The following GALNTL6 variants were observed in gnomAD, a reference collection of about 807,000 sequenced individuals.
The protein encoded by GALNTL6 is polypeptide N-acetylgalactosaminyltransferase like 6, also known as polypeptide N-acetylgalactosaminyltransferase-like 6.
Under a neutral mutation model 73.7 loss-of-function variants are expected in GALNTL6, and 46 were observed. The ratio of observed to expected loss-of-function variants is 0.62; its 90% confidence interval spans 0.49 to 0.80. The LOEUF is 0.80. Ranked by LOEUF, GALNTL6 falls within the 30% of genes least tolerant of loss-of-function variation. GALNTL6 has a pLI of 0.00. For missense variants in GALNTL6, 604 were observed against 755.0 expected, an observed-to-expected ratio of 0.80 and a Z score of 2.34; for synonymous variants, 259 against 263.7, an observed-to-expected ratio of 0.98 and a Z score of 0.17.
At chr4:173,034,728 CA>C (rs1339839906) in intron 12 of GALNTL6, among the ~76,000 whole-genome samples, 1 of 152,198 alleles carries the variant, frequency 6.6e-6, no homozygotes, top group East Asian at 1.9e-4. Flanking sequence ...CCACCCCTGG[CA>C]CTCCAGGTCC....
chr4:171,911,862 T>G (rs75859623), intron 2 of GALNTL6, among the ~76,000 whole-genome samples: 5,307 of 152,268 alleles, frequency 0.035, 280 homozygotes, highest in African/African-American at 0.12. Flanking sequence ...TATTTTGCTG[T>G]TTTCCTAAGA....
chr4:172,908,526 A>G (rs1747024827), intron 8 of GALNTL6, among the ~76,000 whole-genome samples: 1 of 152,084 alleles, frequency 6.6e-6, no homozygotes, highest in Non-Finnish European at 1.5e-5. Context: ...ACCTGCCTAA[A>G]TAATGCAGTG....
At position 172,718,495 on chromosome 4, in the gene GALNTL6, A is replaced by G. The variant is rs1416644962; in HGVS notation, c.554-90866A>G. On this transcript the variant is annotated intron_variant, in intron 5 of 12. Coordinates refer to ENST00000506823, the MANE Select transcript of GALNTL6 (RefSeq NM_001034845.3). ...AAAAAAATTAAAAAACATATGAGCC[A>G]GGTATGGTGGTGTGTGTCTGTGGTC... 2.6e-5 allele frequency among the ~76,000 whole-genome samples: 4 copies of G among 152,098 alleles called. No individual in the cohort carries two copies. In the South Asian group the frequency reaches 6.2e-4, roughly 24 times the overall value.
intron 5 of GALNTL6, among the ~76,000 whole-genome samples, chr4:172,644,431 G>T (rs1244208120): frequency 6.6e-6 from 1 of 151,738 alleles, no homozygotes. Context: ...TTACTATTTT[G>T]ACTTTTCCCA....
chr4:172,376,083 A>G (rs1172897056), intron 5 of GALNTL6, among the ~76,000 whole-genome samples: 1 of 152,214 alleles, frequency 6.6e-6, no homozygotes, highest in East Asian at 1.9e-4. Flanking sequence ...AATTCCAGGT[A>G]GTCTCCCCTA....
At chr4:172,606,680 A>ATATATACTATATATATATATAC in intron 5 of GALNTL6, among the ~76,000 whole-genome samples, 1 of 86,976 alleles carries the variant, frequency 1.1e-5, no homozygotes, top group Admixed American at 1.4e-4. Context: ...TATATACTAT[A>ATATATACTATATATATATATAC]TATATAGTAT....
chr4:172,928,647 G>A lies in GALNTL6; in HGVS notation c.1042-2514G>A, dbSNP rs570113398. 7.2e-5 allele frequency among the ~76,000 whole-genome samples: 11 copies of A among 152,150 alleles called. No homozygotes were observed. The South Asian group carries it at 2.1e-3, about 29-fold the overall frequency. On this transcript the variant is annotated intron_variant, in intron 8 of 12. Coordinates refer to ENST00000506823, the MANE Select transcript of GALNTL6 (RefSeq NM_001034845.3). ...CTAGGTTGAAATCTGCCCCCTTACA[G>A]CTATATGCAATTAATCCTGGTTCTA...
At chr4:172,507,195 C>A (rs1734395325) in intron 5 of GALNTL6, among the ~76,000 whole-genome samples, 1 of 55,320 alleles carries the variant, frequency 1.8e-5, no homozygotes, top group African/African-American at 4.5e-5. Flanking sequence ...AAATGAGGAT[C>A]TTATGACCTA....
At chr4:172,354,189 T>A (rs1742069129) in intron 5 of GALNTL6, among the ~76,000 whole-genome samples, 1 of 152,040 alleles carries the variant, frequency 6.6e-6, no homozygotes, top group Admixed American at 6.5e-5. Flanking sequence ...GACAAGCAAT[T>A]TTTATGTCTC....
intron 2 of GALNTL6, among the ~76,000 whole-genome samples, chr4:172,203,908 G>A (rs573370138): frequency 1.5e-4 from 23 of 152,040 alleles, no homozygotes; most frequent in African/African-American, 4.8e-4. Context: ...CACCATGCCT[G>A]GCTAATTTTG....
At chr4:171,885,155 T>C (rs1229363576) in intron 2 of GALNTL6, among the ~76,000 whole-genome samples, 3 of 152,164 alleles carry the variant, frequency 2.0e-5, no homozygotes, top group Non-Finnish European at 2.9e-5. Context: ...TTACATGGTC[T>C]CGCATGAAGT....
At chr4:172,087,510 A>T (rs1389469836) in intron 2 of GALNTL6, among the ~76,000 whole-genome samples, 1 of 151,802 alleles carries the variant, frequency 6.6e-6, no homozygotes, top group Admixed American at 6.6e-5. Flanking sequence ...TTGAAACAAG[A>T]TAGAAATGTA....
intron 2 of GALNTL6, among the ~76,000 whole-genome samples, chr4:172,176,799 G>A (rs560999743): frequency 3.9e-5 from 6 of 152,100 alleles, no homozygotes; most frequent in Admixed American, 2.0e-4. Flanking sequence ...TAGAAAAATA[G>A]AAATAAAAAA....
At chr4:171,962,806 C>T (rs1442070305) in intron 2 of GALNTL6, among the ~76,000 whole-genome samples, 2 of 127,716 alleles carry the variant, frequency 1.6e-5, no homozygotes, top group African/African-American at 3.0e-5. Context: ...CTCGCTCTGT[C>T]GCCAGGCAAG....
At chr4:172,560,377 A>C (rs1228444495) in intron 5 of GALNTL6, among the ~76,000 whole-genome samples, 1 of 152,128 alleles carries the variant, frequency 6.6e-6, no homozygotes, top group Non-Finnish European at 1.5e-5. Context: ...GCACACCTAT[A>C]GTCCCACCTA....
At chr4:172,832,260 G>A (rs955178480) in intron 7 of GALNTL6, among the ~76,000 whole-genome samples, 1 of 152,310 alleles carries the variant, frequency 6.6e-6, no homozygotes, top group East Asian at 1.9e-4. Flanking sequence ...CAGATGTTGT[G>A]TGGGGATGGT....
chr4:172,818,331 C>A (rs888309984), intron 7 of GALNTL6, among the ~76,000 whole-genome samples: 16 of 152,132 alleles, frequency 1.1e-4, no homozygotes, highest in African/African-American at 3.9e-4. Context: ...TTCAATTTTG[C>A]AAGTTGATTA....
intron 7 of GALNTL6, among the ~76,000 whole-genome samples, chr4:172,869,708 A>G (rs1744828009): frequency 6.6e-6 from 1 of 152,110 alleles, no homozygotes; most frequent in Admixed American, 6.5e-5. Context: ...GCCAGCCTAC[A>G]TCCTTTCACC....
At chr4:172,741,646 A>G (rs1736810844) in intron 5 of GALNTL6, among the ~76,000 whole-genome samples, 1 of 151,928 alleles carries the variant, frequency 6.6e-6, no homozygotes, top group South Asian at 2.1e-4. Context: ...TCTGCTACAT[A>G]TATTTATTAT....
Sources: gnomAD v4.1 joint callset for allele counts (sites outside exome capture counted in the v4.1 genomes callset) on GRCh38, gnomAD v4.1.1 for gene constraint, MANE v1.5 for transcripts, NCBI Gene and HGNC (gene_info 2026-07-23, HGNC 2026-07-21) for gene names.